Variants in TDRP observed in about 807,000 individuals in gnomAD.
The protein encoded by TDRP is testis development related protein.
In TDRP, 12 loss-of-function variants were observed where a neutral mutation model predicts 10.5. That is an observed-to-expected ratio of 1.15 (90% CI 0.73 to 1.86). TDRP has a LOEUF of 1.86. Ranked by LOEUF, TDRP falls within the 40% of genes most tolerant of loss-of-function variation. The pLI is 0.00. For synonymous variants in TDRP, 139 were observed against 95.4 expected, an observed-to-expected ratio of 1.46 and a Z score of -2.67; for missense variants, 353 against 229.2, an observed-to-expected ratio of 1.54 and a Z score of -3.49.
chr8:492,469 G>C lies in TDRP; in HGVS notation c.488C>G (p.Ala163Gly). 1 of 1,605,226 alleles carries C rather than the reference G, an allele frequency of 6.2e-7. No homozygotes were observed. The highest frequency in any genetic ancestry group is 2.2e-5 in the East Asian group (1 of 44,626). The part of the protein sequence containing the change: ...ANSSRWSLRA[A>G]GRLVSIRRQS... ...CCGTCGGATGCTCACCAGCCTCCCT[G>C]CCGCGCGCAGGCTCCACCTGGAGCT... Residue 163 changes from alanine to glycine, a missense_variant, in exon 3 of 3, where the codon GCA becomes GGA. By Grantham distance (60) the Ala-to-Gly change is moderately conservative (BLOSUM62 0). Coordinates refer to ENST00000324079, the MANE Select transcript of TDRP (RefSeq NM_001384899.1).
At position 492,730 on chromosome 8, in the gene TDRP, A is replaced by C. The variant is rs771490703; in HGVS notation, c.227T>G (p.Leu76Ter). Residue 76 changes from leucine to a stop codon, truncating the protein, a stop_gained, in exon 3 of 3, where the codon TTA becomes TGA. Transcript: ENST00000324079. LOFTEE classifies it low-confidence loss of function (END_TRUNC). ...SPKSKGTNLR[L>*]KEELKAEKKS... ...CTTCTCTGCCTTCAACTCTTCTTTTAATCGTAAGTTAGTTCTATAGGAGAT... is the reference window on the plus strand; with the variant it reads ...CTTCTCTGCCTTCAACTCTTCTTTTCATCGTAAGTTAGTTCTATAGGAGAT... The C allele has an allele frequency of 1.9e-6, 3 of 1,611,664 alleles. No homozygotes were observed. The highest frequency in any genetic ancestry group is 1.7e-6 in the Non-Finnish European group (2 of 1,178,636).
intron 1 of TDRP, among the ~76,000 whole-genome samples, chr8:534,695 G>A (rs1368484217): frequency 2.0e-5 from 3 of 152,236 alleles, no homozygotes; most frequent in African/African-American, 4.8e-5. Flanking sequence ...GCTGGGTGAT[G>A]ATGAGTGTTT....
At chr8:523,749 C>G (rs914445556) in intron 1 of TDRP, among the ~76,000 whole-genome samples, 1 of 152,108 alleles carries the variant, frequency 6.6e-6, no homozygotes, top group Non-Finnish European at 1.5e-5. Flanking sequence ...AGGACTTTGT[C>G]TAGTGGCTGG....
chr8:525,791 T>C (rs1304319826), intron 1 of TDRP, among the ~76,000 whole-genome samples: 1 of 152,016 alleles, frequency 6.6e-6, no homozygotes, highest in Admixed American at 6.6e-5. Context: ...AGAAAACAAG[T>C]AAGAAAATGG....
intron 1 of TDRP, among the ~76,000 whole-genome samples, chr8:509,869 G>T (rs1801565536): frequency 6.6e-6 from 1 of 152,152 alleles, no homozygotes; most frequent in Non-Finnish European, 1.5e-5. Flanking sequence ...TTCTGTGAAA[G>T]GAAAATAAAT....
intron 1 of TDRP, among the ~76,000 whole-genome samples, chr8:501,004 A>G (rs574609242): frequency 2.3e-4 from 35 of 152,262 alleles, no homozygotes; most frequent in Admixed American, 1.0e-3. Context: ...CAGGAGATCG[A>G]GACCATCCTG....
chr8:493,867 A>G (rs1801052285), intron 2 of TDRP, among the ~76,000 whole-genome samples: 1 of 152,086 alleles, frequency 6.6e-6, no homozygotes, highest in Non-Finnish European at 1.5e-5. Context: ...AATAAGTTCA[A>G]TTTATAATTC....
chr8:541,168 G>A (rs1802485909), intron 1 of TDRP, among the ~76,000 whole-genome samples: 1 of 152,156 alleles, frequency 6.6e-6, no homozygotes, highest in Non-Finnish European at 1.5e-5. Context: ...TTGCAATAAA[G>A]ATCAGTCCTC....
intron 1 of TDRP, among the ~76,000 whole-genome samples, chr8:530,626 T>A (rs1802167348): frequency 6.6e-6 from 1 of 152,124 alleles, no homozygotes; most frequent in Non-Finnish European, 1.5e-5. Flanking sequence ...TTCTTTTCAG[T>A]TGCTTGTAAT....
intron 1 of TDRP, among the ~76,000 whole-genome samples, chr8:503,162 C>T (rs1255708601): frequency 6.6e-6 from 1 of 152,134 alleles, no homozygotes; most frequent in Non-Finnish European, 1.5e-5. Context: ...CAGAGCCACG[C>T]ATCAGAACCC....
In TDRP at chr8:528,821, ATGTGTGTATATATG is replaced by A. The variant is rs201646249; in HGVS notation, c.108+15815_108+15828del. The stretch of plus-strand genomic sequence containing the variant: ...TATATATAACTATGTGTGTGTGTAT[ATGTGTGTATATATG>A]TGTGTGTATATATGTGTGTGTGTGT... On this transcript the variant is annotated intron_variant, in intron 1 of 2. Coordinates refer to ENST00000324079, the MANE Select transcript of TDRP (RefSeq NM_001384899.1). Among the ~76,000 whole-genome samples the A allele has an allele frequency of 2.5e-3, 378 of 151,786 alleles. 4 individuals carry two copies. In the East Asian group the frequency reaches 0.056, roughly 22 times the overall value.
In TDRP at chr8:504,031, G is replaced by A. The variant is rs556606404; in HGVS notation, c.109-9434C>T. The stretch of plus-strand genomic sequence containing the variant: ...TGCCCACCTCAGCACACACCAACAC[G>A]GAATCCAGAGCCACAAAAGGGTAAC... On this transcript the variant is annotated intron_variant, in intron 1 of 2. Coordinates refer to ENST00000324079, the MANE Select transcript of TDRP (RefSeq NM_001384899.1). Among the ~76,000 whole-genome samples the A allele has an allele frequency of 8.6e-5, 13 of 150,952 alleles. 1 individual carries two copies. The South Asian group carries it at 2.1e-3, about 25-fold the overall frequency.
intron 1 of TDRP, among the ~76,000 whole-genome samples, chr8:513,845 A>G (rs1447982154): frequency 1.3e-5 from 2 of 152,252 alleles, no homozygotes; most frequent in African/African-American, 4.8e-5. Flanking sequence ...GCGTTCTTAC[A>G]CACCAGCAAG....
chr8:539,696 C>A lies in TDRP; in HGVS notation c.108+4954G>T, dbSNP rs1241969603. On this transcript the variant is annotated intron_variant, in intron 1 of 2. Transcript: ENST00000324079. ...GGAGAGAAAGGCCTCTGCCTCCCCA[C>A]ATACCCGCCCTCCAGCAGAACATCA... Among the ~76,000 whole-genome samples the A allele has an allele frequency of 2.0e-5, 3 of 152,218 alleles. No individual in the cohort carries two copies. The East Asian group carries it at 5.8e-4, about 29-fold the overall frequency.
At chr8:527,750 C>A (rs1193844582) in intron 1 of TDRP, among the ~76,000 whole-genome samples, 5 of 152,154 alleles carry the variant, frequency 3.3e-5, no homozygotes, top group East Asian at 1.9e-4. Context: ...TACACACACA[C>A]AAAAAATCAA....
intron 1 of TDRP, 58 bp downstream of exon 1, chr8:544,592 C>A (rs1286845246): frequency 8.8e-7 from 1 of 1,136,002 alleles, no homozygotes; most frequent in South Asian, 4.3e-5. Context: ...CGCCCACCCT[C>A]GCCCTCCACC....
chr8:511,232 A>G (rs75427289), intron 1 of TDRP, among the ~76,000 whole-genome samples: 1 of 152,246 alleles, frequency 6.6e-6, no homozygotes, highest in Non-Finnish European at 1.5e-5. Flanking sequence ...TACTGCCTAT[A>G]GGAGACACAC....
intron 1 of TDRP, among the ~76,000 whole-genome samples, chr8:529,721 G>C (rs767343108): frequency 1.3e-5 from 2 of 152,162 alleles, no homozygotes; most frequent in Admixed American, 6.5e-5. Flanking sequence ...TAATGTTTCT[G>C]CTGACAAATC....
At chr8:492,781 G>A in intron 2 of TDRP, 37 bp from the exon 3 acceptor site, 5 of 1,462,062 alleles carry the variant, frequency 3.4e-6, no homozygotes, top group Non-Finnish European at 4.6e-6. Flanking sequence ...TGGTGACCCA[G>A]GTCTTAGGGC....
Sources: gnomAD v4.1 joint callset for allele counts (sites outside exome capture counted in the v4.1 genomes callset) on GRCh38, gnomAD v4.1.1 for gene constraint, MANE v1.5 for transcripts, NCBI Gene and HGNC (gene_info 2026-07-23, HGNC 2026-07-21) for gene names.